The following FBXW7 variants were observed in gnomAD, a reference collection of about 807,000 sequenced individuals.
FBXW7 encodes F-box and WD repeat domain containing 7.
Under a neutral mutation model 86.3 loss-of-function variants are expected in FBXW7, and 11 were observed. The observed-to-expected ratio is 0.13, with a 90% confidence interval of 0.08 to 0.21. The LOEUF is 0.21. Ranked by LOEUF, FBXW7 falls within the 10% of genes least tolerant of loss-of-function variation. The probability of loss-of-function intolerance (pLI) is 1.00; values close to 1 mark genes in which losing one functional copy is unlikely to be tolerated. For synonymous variants in FBXW7, 313 were observed against 297.9 expected, an observed-to-expected ratio of 1.05 and a Z score of -0.52; for missense variants, 488 against 847.4, an observed-to-expected ratio of 0.58 and a Z score of 5.27.
At chr4:152,453,984 G>A (rs890515008) in intron 2 of FBXW7, among the ~76,000 whole-genome samples, 31 of 151,784 alleles carry the variant, frequency 2.0e-4, no homozygotes, top group African/African-American at 5.6e-4. Flanking sequence ...CAGACATCAC[G>A]TCATTACTTC....
intron 7 of FBXW7, among the ~76,000 whole-genome samples, chr4:152,336,981 G>A (rs1429375713): frequency 1.3e-5 from 2 of 151,878 alleles, no homozygotes; most frequent in Non-Finnish European, 2.9e-5. Context: ...CATATAACTA[G>A]GGGCATATAC....
intron 4 of FBXW7, among the ~76,000 whole-genome samples, chr4:152,351,298 C>T (rs1200909913): frequency 1.3e-5 from 2 of 151,988 alleles, no homozygotes; most frequent in Admixed American, 6.6e-5. Flanking sequence ...TTTGTCATCA[C>T]GAAGAGTTTT....
At chr4:152,433,139 T>C (rs1259351573) in intron 2 of FBXW7, among the ~76,000 whole-genome samples, 3 of 152,226 alleles carry the variant, frequency 2.0e-5, no homozygotes, top group African/African-American at 7.2e-5. Context: ...TTGATGAATG[T>C]TGGGGAGTTG....
intron 2 of FBXW7, among the ~76,000 whole-genome samples, chr4:152,446,686 A>G (rs1415205590): frequency 6.6e-6 from 1 of 152,194 alleles, no homozygotes; most frequent in South Asian, 2.1e-4. Flanking sequence ...CAGACCAATC[A>G]TAGTTATCTT....
chr4:152,517,531 A>C (rs1038172497), intron 2 of FBXW7, among the ~76,000 whole-genome samples: 2 of 152,224 alleles, frequency 1.3e-5, no homozygotes, highest in Non-Finnish European at 2.9e-5. Context: ...TAGAATAAAG[A>C]TTAAGGTCCC....
intron 2 of FBXW7, among the ~76,000 whole-genome samples, chr4:152,436,846 T>C (rs1366940912): frequency 6.6e-6 from 1 of 152,236 alleles, no homozygotes; most frequent in East Asian, 1.9e-4. Context: ...TTAAGCCCAC[T>C]GTTGAGACCT....
chr4:152,357,767 T>C (rs986936088), intron 4 of FBXW7, among the ~76,000 whole-genome samples: 1 of 152,158 alleles, frequency 6.6e-6, no homozygotes, highest in Non-Finnish European at 1.5e-5. Flanking sequence ...AAATTAGTCA[T>C]CTGATGGACA....
intron 11 of FBXW7, 120 bp downstream of exon 11, chr4:152,328,088 G>T: frequency 1.3e-6 from 1 of 792,598 alleles, no homozygotes; most frequent in Non-Finnish European, 2.0e-6. Context: ...CATCTGAAGT[G>T]TAATAATTAA....
At chr4:152,385,237 A>G (rs772230882) in intron 4 of FBXW7, among the ~76,000 whole-genome samples, 1 of 152,050 alleles carries the variant, frequency 6.6e-6, no homozygotes, top group Non-Finnish European at 1.5e-5. Context: ...TGATACTCCA[A>G]TGCAGAAAAA....
intron 2 of FBXW7, among the ~76,000 whole-genome samples, chr4:152,423,362 T>C (rs1739111266): frequency 1.3e-5 from 2 of 152,234 alleles, no homozygotes; most frequent in Non-Finnish European, 2.9e-5. Context: ...TACTCTAGCA[T>C]GAGCTAGTTG....
At chr4:152,327,163 T>C (rs1729114208) in intron 11 of FBXW7, among the ~76,000 whole-genome samples, 1 of 152,048 alleles carries the variant, frequency 6.6e-6, no homozygotes, top group African/African-American at 2.4e-5. Context: ...GAGAACCCTT[T>C]AATTGAGAAC....
chr4:152,429,784 A>G (rs2126944694), intron 2 of FBXW7, among the ~76,000 whole-genome samples: 1 of 152,330 alleles, frequency 6.6e-6, no homozygotes, highest in Admixed American at 6.5e-5. Context: ...TCACTAATAT[A>G]TTGTTGGTAT....
intron 4 of FBXW7, among the ~76,000 whole-genome samples, chr4:152,383,239 A>G (rs1276149444): frequency 3.3e-5 from 5 of 152,150 alleles, no homozygotes; most frequent in Non-Finnish European, 1.5e-5. Context: ...TAGCCAGTCC[A>G]TTGCAAATCC....
intron 2 of FBXW7, among the ~76,000 whole-genome samples, chr4:152,465,549 A>C (rs1477702947): frequency 6.6e-6 from 1 of 152,134 alleles, no homozygotes; most frequent in East Asian, 1.9e-4. Context: ...TGTATAGAAC[A>C]ATATTACCCA....
chr4:152,342,071 CT>C (rs1300356671), intron 6 of FBXW7, among the ~76,000 whole-genome samples: 1 of 152,040 alleles, frequency 6.6e-6, no homozygotes, highest in Non-Finnish European at 1.5e-5. Flanking sequence ...AAAGTACTTC[CT>C]TTGGCCTTTC....
At position 152,340,555 on chromosome 4, in the gene FBXW7, G is replaced by A. The variant is rs892731388; in HGVS notation, c.727-2619C>T. On this transcript the variant is annotated intron_variant, in intron 6 of 13. Transcript: ENST00000281708. The stretch of plus-strand genomic sequence containing the variant: ...TGTACCACTGCACTCCAGCTTGGGC[G>A]ACAGAGCGAAACTCCATCTCAAAAA... Among the ~76,000 whole-genome samples, 13 of 121,946 alleles carry A rather than the reference G, an allele frequency of 1.1e-4. No individual in the cohort carries two copies. In the East Asian group the frequency reaches 1.5e-3, roughly 14 times the overall value. 80.0% of individuals were successfully genotyped at this position (121,946 alleles called of 152,430 possible).
In FBXW7 at chr4:152,322,767, G is replaced by A; in HGVS notation, c.*114C>T. ...ATCTGTTGCCCCAAGCCAACATCCT[G>A]CACCACTGAGAACAAGGGATTTTTT... On this transcript the variant is annotated 3_prime_UTR_variant, in exon 14 of 14. Coordinates refer to ENST00000281708, the MANE Select transcript of FBXW7 (RefSeq NM_001349798.2). The A allele has an allele frequency of 4.7e-6, 7 of 1,497,392 alleles. No individual in the cohort carries two copies. Among genetic ancestry groups the A allele is most frequent in the Non-Finnish European group, 6.2e-6 (7 of 1,125,072 alleles). The allele number at this position is 1,497,392 out of a possible 1,614,324, so 92.8% of individuals were successfully genotyped here.
chr4:152,337,622 T>G, intron 7 of FBXW7, 180 bp downstream of exon 7: 1 of 534,346 alleles, frequency 1.9e-6, no homozygotes. Context: ...TTCTTTAATC[T>G]GACAATTACA....
chr4:152,434,000 A>G (rs1370002234), intron 2 of FBXW7, among the ~76,000 whole-genome samples: 3 of 152,182 alleles, frequency 2.0e-5, no homozygotes, highest in Admixed American at 6.5e-5. Flanking sequence ...TTTTTTTTCA[A>G]TAAATACAGT....
Sources: allele counts gnomAD v4.1 joint callset (sites outside exome capture counted in the v4.1 genomes callset), GRCh38; gene constraint gnomAD v4.1.1; transcripts MANE v1.5; gene names NCBI Gene and HGNC (gene_info 2026-07-23, HGNC 2026-07-21).